MUC4: variants seen among roughly 807,000 people sequenced by gnomAD.
MUC4 encodes the protein mucin 4, cell surface associated, also known as mucin-4.
In MUC4, 202 loss-of-function variants were observed where a neutral mutation model predicts 257.9. That is an observed-to-expected ratio of 0.78 (90% confidence interval 0.70 to 0.88). MUC4 has a LOEUF of 0.88. Ranked by LOEUF, MUC4 falls within the 40% of genes least tolerant of loss-of-function variation. The pLI, the probability that MUC4 is intolerant of heterozygous loss-of-function variation, is 0.00. For missense variants in MUC4, 5,976 were observed against 6,513.7 expected (o/e 0.92, Z 2.84); for synonymous variants, 2,351 against 2,757.1 (o/e 0.85, Z 4.62).
Position 195,780,489 on chromosome 3 carries a change from A to G in MUC4, c.11091T>C (p.Leu3697=), listed in dbSNP as rs1560310682. Residue 3697 remains leucine, a synonymous_variant, in exon 2 of 25, where the codon CTT becomes CTC. Transcript: ENST00000463781. ...ATGATGAGGAAGGGATGGTGACAGG[A>G]AGAGGGGTGGCCTGACCTGTGGATG... ...SSASTGQATP[L]PVTIPSSSSS... is the part of the protein sequence containing the mutation. The G allele has an allele frequency of 2.6e-6, 4 of 1,525,802 alleles. No individual in the cohort carries two copies. Among genetic ancestry groups the G allele is most frequent in the Non-Finnish European group, 1.8e-6 (2 of 1,140,224 alleles). 94.5% of individuals were successfully genotyped at this position (1,525,802 alleles called of 1,614,324 possible).
rs372557419 is a variant in MUC4 at position 195,790,592 on chromosome 3, C to G, written c.988G>C (p.Val330Leu). ...ATTTGAGATACTCTGGTGGTCTCCA[C>G]GCTCTGAGTCTGGTGGTTCTTAGAA... Reference protein sequence around the residue: ...AFSKNHQTQSVETTRVSQINT... With the variant: ...AFSKNHQTQSLETTRVSQINT... The change falls in exon 2 of 25, where the codon GTG becomes CTG. Residue 330 changes from valine to leucine, a missense_variant. Val to Leu is a conservative substitution (Grantham distance 32). Around this residue, in one of 44 missense-constraint regions of MUC4, gnomAD observed 1,583 missense variants for 1,257.4 expected, o/e 1.26. Coordinates refer to ENST00000463781, the MANE Select transcript of MUC4 (RefSeq NM_018406.7). The G allele has an allele frequency of 6.2e-7, 1 of 1,613,910 alleles. No homozygotes were observed. The highest frequency in any genetic ancestry group is 2.2e-5 in the East Asian group (1 of 44,882).
At chr3:195,776,852 A>T (rs1268654007) in intron 3 of MUC4, among the ~76,000 whole-genome samples, 2 of 45,468 alleles carry the variant, frequency 4.4e-5, no homozygotes, top group Non-Finnish European at 4.6e-5. Flanking sequence ...TTCCACACCC[A>T]TACCTTCCAC....
At position 195,757,002 on chromosome 3, in the gene MUC4, C is replaced by T. The variant is rs1717803680; in HGVS notation, c.15168+145G>A. On this transcript the variant is annotated intron_variant, in intron 18 of 24. Coordinates refer to ENST00000463781, the MANE Select transcript of MUC4 (RefSeq NM_018406.7). This position sits in a 1 kb window ranked among gnomAD's most constrained non-coding sequence, Gnocchi z 4.8. ...TCCCATGTGAGTTTGTGGCCTGAGA[C>T]TGGAATCTGCTCTACTCACCTACCA... 1.9e-5 allele frequency: 15 copies of T among 804,638 alleles called. No homozygotes were observed. The South Asian group carries it at 2.5e-4, about 14-fold the overall frequency. The allele number at this position is 804,638 out of a possible 1,614,324, so 49.8% of individuals were successfully genotyped here.
Position 195,781,108 on chromosome 3 carries a change from A to T in MUC4, c.10472T>A (p.Val3491Asp). Residue 3491 changes from valine (V) to aspartate (D), a missense_variant, in exon 2 of 25, where the codon GTC becomes GAC. Val to Asp is a radical substitution (Grantham distance 152, BLOSUM62 -3). Around this residue, in one of 44 missense-constraint regions of MUC4, gnomAD observed 297 missense variants for 240.9 expected, o/e 1.23. Coordinates refer to ENST00000463781, the MANE Select transcript of MUC4 (RefSeq NM_018406.7). Reference protein sequence around the residue: ...ASTGHTTPLHVTIPSSASTGD... With the variant: ...ASTGHTTPLHDTIPSSASTGD... Reference sequence around the variant, plus strand: ...TGTGGATGCTGAGGAAGGGATGGTGACATGAAGAGGGGTGGTGTGACCTGT... The same window carrying T: ...TGTGGATGCTGAGGAAGGGATGGTGTCATGAAGAGGGGTGGTGTGACCTGT... 1 of 1,486,838 alleles carries T rather than the reference A, an allele frequency of 6.7e-7. No homozygotes were observed. Among genetic ancestry groups the T allele is most frequent in the East Asian group, 2.5e-5 (1 of 39,452 alleles). The allele number at this position is 1,486,838 out of a possible 1,614,324, so 92.1% of individuals were successfully genotyped here.
At chr3:195,798,537 A>G (rs1467081163) in intron 1 of MUC4, among the ~76,000 whole-genome samples, 2 of 152,010 alleles carry the variant, frequency 1.3e-5, no homozygotes, top group Non-Finnish European at 2.9e-5. Flanking sequence ...CCCCGTCTCT[A>G]CTAAAAATAC....
At chr3:195,806,460 C>T (rs562002748) in intron 1 of MUC4, among the ~76,000 whole-genome samples, 2 of 152,332 alleles carry the variant, frequency 1.3e-5, no homozygotes, top group Admixed American at 1.3e-4. Context: ...GAGAACATTT[C>T]CGTAATTATT....
At position 195,786,433 on chromosome 3, in the gene MUC4, G is replaced by T. The variant is rs1328322043; in HGVS notation, c.5147C>A (p.Thr1716Asn). ...STGQATPLPV[T>N]SLSSVSTGDT... Reference sequence around the variant, plus strand: ...ACCTGTGGATACTGAGGAAAGGCTGGTGACAGGAAGAGGGGTGGCCTGACC... The same window carrying T: ...ACCTGTGGATACTGAGGAAAGGCTGTTGACAGGAAGAGGGGTGGCCTGACC... The change falls in exon 2 of 25, where the codon ACC (threonine) becomes AAC (asparagine). Residue 1716 changes from threonine to asparagine, a missense_variant. By Grantham distance (65) the Thr-to-Asn change is moderately conservative. This residue lies in a region of MUC4 where 138 missense variants were observed against 107.8 expected (regional missense o/e 1.28). Coordinates refer to ENST00000463781, the MANE Select transcript of MUC4 (RefSeq NM_018406.7). The T allele has an allele frequency of 6.5e-7, 1 of 1,534,428 alleles. No homozygotes were observed. Among genetic ancestry groups the T allele is most frequent in the South Asian group, 1.2e-5 (1 of 83,426 alleles).
At position 195,751,065 on chromosome 3, in the gene MUC4, A is replaced by C. The variant is rs2148752677; in HGVS notation, c.15695T>G (p.Val5232Gly). 2 of 1,593,998 alleles carry C rather than the reference A, an allele frequency of 1.3e-6. No homozygotes were observed. The highest frequency in any genetic ancestry group is 2.2e-5 in the South Asian group (2 of 90,626). ...ASGSPIQHWM[V>G]ISEFQYRPRG... The stretch of plus-strand genomic sequence containing the variant: ...AGGGCGGTACTGGAACTCCGAGATG[A>C]CCATCCAGTGTTGGATGGGGCTTCC... The change falls in exon 23 of 25, where the codon GTC (valine) becomes GGC (glycine). Residue 5232 changes from valine (V) to glycine (G), a missense_variant. By Grantham distance (109) the Val-to-Gly change is moderately radical. Coordinates refer to ENST00000463781, the MANE Select transcript of MUC4 (RefSeq NM_018406.7).
chr3:195,752,641 A>G, intron 20 of MUC4, 195 bp from the exon 21 acceptor site: 1 of 616,076 alleles, frequency 1.6e-6, no homozygotes, highest in Non-Finnish European at 2.9e-6. Flanking sequence ...AGTGGCCCTC[A>G]CCCTACATTC....
Position 195,783,092 on chromosome 3 carries a change from C to T in MUC4, c.8488G>A (p.Ala2830Thr), listed in dbSNP as rs1560339348. 6.2e-5 allele frequency: 44 copies of T among 712,380 alleles called. 7 individuals are homozygous for T. The highest frequency in any genetic ancestry group is 4.2e-4 in the African/African-American group (17 of 40,368). The allele number at this position is 712,380 out of a possible 1,614,324, so 44.1% of individuals were successfully genotyped here. Residue 2830 changes from alanine (A) to threonine (T), a missense_variant, in exon 2 of 25, where the codon GCC becomes ACC. This residue lies in a region of MUC4 where 228 missense variants were observed against 206.3 expected (regional missense o/e 1.11). Coordinates refer to ENST00000463781, the MANE Select transcript of MUC4 (RefSeq NM_018406.7). ...TDASSVFTGH[A>T]TSLPVTIPSS... ...GGGATGGTGACAGGAAGAGAGGTGG[C>T]ATGACCTGTGAACACTGAGGAAGCG...
At position 195,762,964 on chromosome 3, in the gene MUC4, G is replaced by T; in HGVS notation, c.14254-19C>A. Reference sequence around the variant, plus strand: ...ATTGGACCTGGAAGGAGATGGGAGGGGGCCTGAGCCCGACCCGCAGGTGGA... The same window carrying T: ...ATTGGACCTGGAAGGAGATGGGAGGTGGCCTGAGCCCGACCCGCAGGTGGA... On this transcript the variant is annotated intron_variant, in intron 12 of 24. Coordinates refer to ENST00000463781, the MANE Select transcript of MUC4 (RefSeq NM_018406.7). The T allele has an allele frequency of 6.5e-7, 1 of 1,534,090 alleles. No individual in the cohort carries two copies.
Position 195,783,843 on chromosome 3 carries a change from G to T in MUC4, c.7737C>A (p.Val2579=), listed in dbSNP as rs1379293147. The T allele has an allele frequency of 5.4e-6, 8 of 1,492,282 alleles. No individual in the cohort carries two copies. In the East Asian group the frequency reaches 1.3e-4, roughly 24 times the overall value. 92.4% of individuals were successfully genotyped at this position (1,492,282 alleles called of 1,614,324 possible). ...CTGTGGATGCTGAGGAAGTGCTGGT[G>T]ACAGGAAGAGGGGTGGCGTGACCTG... The part of the protein sequence containing the change: ...ASTGHATPLP[V]TSTSSASTGD... Residue 2579 remains valine (V), a synonymous_variant, in exon 2 of 25, where the codon GTC becomes GTA. Transcript: ENST00000463781.
Position 195,810,839 on chromosome 3 carries a change from C to T in MUC4, c.82+897G>A, listed in dbSNP as rs1736613707. Among the ~76,000 whole-genome samples, 1 of 152,008 alleles carries T rather than the reference C, an allele frequency of 6.6e-6. No individual in the cohort carries two copies. Among genetic ancestry groups the T allele is most frequent in the East Asian group, 1.9e-4 (1 of 5,176 alleles). On this transcript the variant is annotated intron_variant, in intron 1 of 24. Transcript: ENST00000463781. The surrounding 1 kb of genome is among the most constrained non-coding windows in gnomAD (Gnocchi z 4.2). ...CTGCAGCTTTACATGAGTTTTCTTC[C>T]GTCTCCATCACCCAGCTTTCCTGGC...
chr3:195,754,836 A>ATCCATGTG (rs1717248385), intron 18 of MUC4, among the ~76,000 whole-genome samples: 1 of 138,822 alleles, frequency 7.2e-6, no homozygotes, highest in East Asian at 2.2e-4. Context: ...CCATGTGTGT[A>ATCCATGTG]TGTATCATGT....
At chr3:195,799,948 C>T (rs1735085989) in intron 1 of MUC4, among the ~76,000 whole-genome samples, 1 of 152,074 alleles carries the variant, frequency 6.6e-6, no homozygotes, top group African/African-American at 2.4e-5. Flanking sequence ...CAGGACAGGC[C>T]CCATCCCTCA....
chr3:195,789,913 G>C lies in MUC4; in HGVS notation c.1667C>G (p.Pro556Arg), dbSNP rs200887189. ...CTGGGCGCCTGCCCCTGTTGTTTTT[G>C]GGAGAGTTGTGCTGTGGGAGGAGTA... ...TTYSSHSTTL[P>R]KTTGAGAQTQ... is the part of the protein sequence containing the mutation. The change falls in exon 2 of 25, where the codon CCA (proline) becomes CGA (arginine). Residue 556 changes from proline (P) to arginine (R), a missense_variant. This residue lies in a region of MUC4 where 1,583 missense variants were observed against 1,257.4 expected (regional missense o/e 1.26). Coordinates refer to ENST00000463781, the MANE Select transcript of MUC4 (RefSeq NM_018406.7). 134 of 1,613,828 alleles carry C rather than the reference G, an allele frequency of 8.3e-5. No homozygotes were observed. In the African/African-American group the frequency reaches 1.5e-3, roughly 18 times the overall value.
rs758142153 is a variant in MUC4, at chr3:195,790,259, T to C, written c.1321A>G (p.Ser441Gly). The change falls in exon 2 of 25, where the codon AGT becomes GGT. Residue 441 changes from serine (S) to glycine (G), a missense_variant. Ser to Gly is a moderately conservative substitution (Grantham distance 56). Transcript: ENST00000463781. Reference protein sequence around the residue: ...SDTLSTALSPSSLPPKISTAF... With the variant: ...SDTLSTALSPGSLPPKISTAF... ...GTGGATATTTTTGGAGGTAGAGAACTGGGGGAGAGTGCTGTTGACAGAGTG... is the reference window on the plus strand; with the variant it reads ...GTGGATATTTTTGGAGGTAGAGAACCGGGGGAGAGTGCTGTTGACAGAGTG... 12 of 1,613,876 alleles carry C rather than the reference T, an allele frequency of 7.4e-6. No individual in the cohort carries two copies. Among genetic ancestry groups the C allele is most frequent in the Admixed American group, 5.0e-5 (3 of 59,998 alleles).
At position 195,788,630 on chromosome 3, in the gene MUC4, A is replaced by C. The variant is rs771706581; in HGVS notation, c.2950T>G (p.Ser984Ala). Residue 984 changes from serine to alanine, a missense_variant, in exon 2 of 25, where the codon TCG (serine) becomes GCG (alanine). Ser to Ala is a moderately conservative substitution (Grantham distance 99). Coordinates refer to ENST00000463781, the MANE Select transcript of MUC4 (RefSeq NM_018406.7). ...GGGGTGGTGTGACCTGTGGATGCCGAGGAAGCGTAGGTGACAGGAAGAGGG... is the reference window on the plus strand; with the variant it reads ...GGGGTGGTGTGACCTGTGGATGCCGCGGAAGCGTAGGTGACAGGAAGAGGG... ...ATPLPVTYAS[S>A]ASTGHTTPLH... is the part of the protein sequence containing the mutation. 3 of 1,603,456 alleles carry C rather than the reference A, an allele frequency of 1.9e-6. No homozygotes were observed.
Position 195,789,050 on chromosome 3 carries a change from T to C in MUC4, c.2530A>G (p.Thr844Ala), listed in dbSNP as rs896888471. The C allele has an allele frequency of 1.2e-6, 2 of 1,613,780 alleles. No homozygotes were observed. Among genetic ancestry groups the C allele is most frequent in the Non-Finnish European group, 8.5e-7 (1 of 1,179,830 alleles). Residue 844 changes from threonine (T) to alanine (A), a missense_variant, in exon 2 of 25, where the codon ACA (threonine) becomes GCA (alanine). Thr to Ala is a moderately conservative substitution (Grantham distance 58, BLOSUM62 0). This residue lies in a region of MUC4 where 1,583 missense variants were observed against 1,257.4 expected (regional missense o/e 1.26). Transcript: ENST00000463781. ...PSRDSHTTQSTTELLSASASH... is the reference protein window; with the variant it reads ...PSRDSHTTQSATELLSASASH... ...GCTGAGGCGGACAGCAATTCGGTTG[T>C]TGACTGGGTTGTGTGACTGTCCCTG...
Sources: gnomAD v4.1 joint callset for allele counts (sites outside exome capture counted in the v4.1 genomes callset) on GRCh38, gnomAD v4.1.1 for gene constraint, gnomAD v4.1.1 regional missense constraint, Gnocchi (gnomAD v3.1) non-coding constraint, MANE v1.5 for transcripts, NCBI Gene and HGNC (gene_info 2026-07-23, HGNC 2026-07-21) for gene names.